Variants in ASTN2 observed in about 807,000 individuals in gnomAD.
ASTN2 encodes the protein astrotactin 2, also known as astrotactin-2.
A neutral mutation model predicts 139.8 loss-of-function variants in ASTN2; 54 were observed. The ratio of observed to expected loss-of-function variants is 0.39; its 90% confidence interval spans 0.31 to 0.48. ASTN2 has a LOEUF of 0.48. ASTN2 is among the 20% of genes least tolerant of loss of function. ASTN2 has a pLI of 0.95. For synonymous variants in ASTN2, 756 were observed against 719.5 expected, an observed-to-expected ratio of 1.05 and a Z score of -0.81; for missense variants, 1,565 against 1,725.1, an observed-to-expected ratio of 0.91 and a Z score of 1.64.
chr9:116,976,058 C>T, intron 9 of ASTN2, 56 bp downstream of exon 9: 1 of 1,534,018 alleles, frequency 6.5e-7, no homozygotes, highest in South Asian at 1.1e-5. Context: ...CCACATCTTC[C>T]TATCAGTCCT....
chr9:117,321,105 G>C (rs1828310629), intron 1 of ASTN2, among the ~76,000 whole-genome samples: 1 of 152,084 alleles, frequency 6.6e-6, no homozygotes, highest in South Asian at 2.1e-4. Context: ...CAAACTTCTA[G>C]CCCAGGTGGT....
At chr9:116,809,659 G>A (rs1298729671) in intron 12 of ASTN2, among the ~76,000 whole-genome samples, 1 of 152,112 alleles carries the variant, frequency 6.6e-6, no homozygotes, top group African/African-American at 2.4e-5. Flanking sequence ...CTTTGAATTT[G>A]TAAACTAAAT....
chr9:117,260,612 T>G (rs562107197), intron 2 of ASTN2, among the ~76,000 whole-genome samples: 1 of 152,338 alleles, frequency 6.6e-6, no homozygotes, highest in East Asian at 1.9e-4. Context: ...TTTCTTTATG[T>G]GGTCTTTGAA....
intron 10 of ASTN2, among the ~76,000 whole-genome samples, chr9:116,897,907 T>C (rs1833916735): frequency 6.6e-6 from 1 of 152,100 alleles, no homozygotes; most frequent in African/African-American, 2.4e-5. Flanking sequence ...TTTATATGAG[T>C]GGCTACTTTT....
intron 2 of ASTN2, among the ~76,000 whole-genome samples, chr9:117,246,393 C>T (rs1833383747): frequency 6.6e-6 from 1 of 152,202 alleles, no homozygotes; most frequent in Non-Finnish European, 1.5e-5. Context: ...CAAATCCTGG[C>T]ACCATGGCAA....
intron 2 of ASTN2, among the ~76,000 whole-genome samples, chr9:117,283,903 CA>C (rs917669863): frequency 6.6e-6 from 1 of 151,664 alleles, no homozygotes; most frequent in Admixed American, 6.6e-5. Context: ...TGGTATTTCT[CA>C]AAGTTTCACC....
intron 1 of ASTN2, among the ~76,000 whole-genome samples, chr9:117,370,513 T>C (rs959321352): frequency 6.6e-6 from 1 of 152,100 alleles, no homozygotes; most frequent in Non-Finnish European, 1.5e-5. Flanking sequence ...CATGTTACAG[T>C]TTAGAAAGCA....
At chr9:117,096,190 C>T in intron 4 of ASTN2, 39 bp from the exon 5 acceptor site, 1 of 1,552,946 alleles carries the variant, frequency 6.4e-7, no homozygotes, top group Non-Finnish European at 8.9e-7. Flanking sequence ...TCTCCCAGGC[C>T]TCCAGAAGTT....
chr9:116,933,979 CTTTTTTTTTTT>C (rs148724828), intron 10 of ASTN2, among the ~76,000 whole-genome samples: 4 of 86,902 alleles, frequency 4.6e-5, no homozygotes, highest in African/African-American at 1.9e-4. Context: ...AGTGTTAGTC[CTTTTTTTTTTT>C]TTTTTTTTTT....
Position 116,614,853 on chromosome 9 carries a change from A to G in ASTN2, c.3355+3471T>C, listed in dbSNP as rs1023815000. Reference sequence around the variant, plus strand: ...CTAAAGCACCAAAAGCAATGGCAACACAAGCCAAAATTGACAAATGGGATC... The same window carrying G: ...CTAAAGCACCAAAAGCAATGGCAACGCAAGCCAAAATTGACAAATGGGATC... On this transcript the variant is annotated intron_variant, in intron 19 of 22. Transcript: ENST00000313400. Among the ~76,000 whole-genome samples, 28 of 152,236 alleles carry G rather than the reference A, an allele frequency of 1.8e-4. 1 individual carries two copies.
intron 1 of ASTN2, among the ~76,000 whole-genome samples, chr9:117,335,556 T>C (rs900991243): frequency 7.2e-5 from 11 of 152,186 alleles, no homozygotes; most frequent in South Asian, 2.1e-4. Flanking sequence ...GAGGGTCATT[T>C]CATTAATTTC....
intron 17 of ASTN2, 25 bp downstream of exon 17, chr9:116,651,503 G>A (rs774604926): frequency 3.7e-6 from 6 of 1,605,234 alleles, no homozygotes; most frequent in Non-Finnish European, 5.1e-6. Flanking sequence ...AAGTTTGACT[G>A]AGTGGCTGGG....
chr9:117,372,135 C>T (rs1184799232), intron 1 of ASTN2, among the ~76,000 whole-genome samples: 3 of 152,058 alleles, frequency 2.0e-5, no homozygotes, highest in African/African-American at 4.8e-5. Flanking sequence ...GTAAGAGGCC[C>T]GACTGCAGTC....
chr9:116,627,398 C>T (rs906536805), intron 17 of ASTN2, among the ~76,000 whole-genome samples: 1 of 152,134 alleles, frequency 6.6e-6, no homozygotes, highest in Non-Finnish European at 1.5e-5. Flanking sequence ...TGAAGCTGGT[C>T]CTCACAACTC....
chr9:117,241,207 C>T (rs145920923), intron 2 of ASTN2, among the ~76,000 whole-genome samples: 39 of 152,254 alleles, frequency 2.6e-4, no homozygotes, highest in African/African-American at 9.4e-4. Flanking sequence ...TCCTCGGAGT[C>T]GGCATGACTC....
chr9:116,999,306 T>C (rs1479973914), intron 7 of ASTN2, among the ~76,000 whole-genome samples: 1 of 152,166 alleles, frequency 6.6e-6, no homozygotes, highest in Admixed American at 6.5e-5. Flanking sequence ...CACAGGGCAA[T>C]GTGCTTAGCC....
intron 4 of ASTN2, among the ~76,000 whole-genome samples, chr9:117,099,032 A>G (rs1261462916): frequency 6.7e-6 from 1 of 149,292 alleles, no homozygotes. Context: ...GCTTGAACCC[A>G]GGAGGTGGAG....
chr9:116,724,978 C>T (rs191019073), intron 16 of ASTN2, among the ~76,000 whole-genome samples: 1 of 152,252 alleles, frequency 6.6e-6, no homozygotes, highest in African/African-American at 2.4e-5. Flanking sequence ...CTCATTTTCT[C>T]ATGTGTAAAA....
intron 17 of ASTN2, among the ~76,000 whole-genome samples, chr9:116,623,147 CTGTGTGTGTG>C (rs10527124): frequency 0.14 from 18,938 of 136,690 alleles, 1,333 homozygotes; most frequent in African/African-American, 0.14. Context: ...AGAGCATACT[CTGTGTGTGTG>C]TGTGTGTGTG....
Sources: allele counts gnomAD v4.1 joint callset (sites outside exome capture counted in the v4.1 genomes callset), GRCh38; gene constraint gnomAD v4.1.1; transcripts MANE v1.5; gene names NCBI Gene and HGNC (gene_info 2026-07-23, HGNC 2026-07-21).